CYP2J2: variants seen among roughly 807,000 people sequenced by gnomAD.
CYP2J2 encodes the protein cytochrome P450 2J2.
In CYP2J2, 41 loss-of-function variants were observed where a neutral mutation model predicts 48.8. The ratio of observed to expected loss-of-function variants is 0.84; its 90% CI spans 0.66 to 1.09. The LOEUF (loss-of-function observed/expected upper bound fraction) is 1.09, where lower values mean the gene tolerates loss of function less well. Among genes scored for constraint, CYP2J2 ranks in the 50% least tolerant of loss-of-function variants. The pLI, the probability that CYP2J2 is intolerant of heterozygous loss-of-function variation, is 0.00. For missense variants in CYP2J2, 644 were observed against 617.3 expected (o/e 1.04, Z -0.46); for synonymous variants, 221 against 227.1 (o/e 0.97, Z 0.24).
chr1:59,902,530 C>T (rs1306743114), intron 7 of CYP2J2, among the ~76,000 whole-genome samples: 1 of 152,160 alleles, frequency 6.6e-6, no homozygotes, highest in Admixed American at 6.5e-5. Context: ...ATTCTCCTGC[C>T]TCAGCCTCCC....
At chr1:59,905,122 A>G in intron 6 of CYP2J2, 64 bp from the exon 7 acceptor site, 1 of 1,492,252 alleles carries the variant, frequency 6.7e-7, no homozygotes, top group Non-Finnish European at 9.1e-7. Flanking sequence ...AAGAGGTATG[A>G]GTGGTCTCCA....
chr1:59,944,678 C>T, the CYP2J2 span, among the ~76,000 whole-genome samples: 1 of 152,078 alleles, frequency 6.6e-6, no homozygotes, highest in African/African-American at 2.4e-5. Context: ...TCCTTGCTTG[C>T]CAATTCAGAG....
At chr1:59,896,485 A>T (rs1220089333) in intron 8 of CYP2J2, among the ~76,000 whole-genome samples, 1 of 151,580 alleles carries the variant, frequency 6.6e-6, no homozygotes, top group Non-Finnish European at 1.5e-5. Flanking sequence ...TTTATTTGCA[A>T]CTTCCTCTCA....
Position 59,893,651 on chromosome 1 carries a change from T to C in CYP2J2, c.1509A>G (p.Ter503=). ...SHRLCAVPQV[*] ...CTTGCCCCTTTCTTTCTTAACAATA[T>C]TACACCTGAGGAACAGCGCAGAGGC... The change falls in exon 9 of 9, where the codon TAA becomes TAG. Residue 503 remains the stop codon, a stop_retained_variant. Transcript: ENST00000371204. 1.3e-6 allele frequency: 2 copies of C among 1,598,550 alleles called. No individual in the cohort carries two copies. Among genetic ancestry groups the C allele is most frequent in the Non-Finnish European group, 8.5e-7 (1 of 1,173,378 alleles).
intron 8 of CYP2J2, among the ~76,000 whole-genome samples, chr1:59,897,169 C>G (rs1644276891): frequency 6.6e-6 from 1 of 152,144 alleles, no homozygotes; most frequent in African/African-American, 2.4e-5. Flanking sequence ...ATCTCTTTAT[C>G]CATCACAAAT....
At chr1:59,920,101 T>A (rs747322014) in intron 1 of CYP2J2, among the ~76,000 whole-genome samples, 2 of 151,790 alleles carry the variant, frequency 1.3e-5, no homozygotes, top group Admixed American at 6.6e-5. Flanking sequence ...ACCACAGATA[T>A]AAGAAAAATA....
At chr1:59,947,468 C>T in the CYP2J2 span, among the ~76,000 whole-genome samples, 46 of 152,244 alleles carry the variant, frequency 3.0e-4, 1 homozygote, top group South Asian at 9.3e-3. Flanking sequence ...CTGACGTTCT[C>T]AGCTGAGCCA....
chr1:59,968,740 A>G, the CYP2J2 span, among the ~76,000 whole-genome samples: 1 of 152,226 alleles, frequency 6.6e-6, no homozygotes, highest in African/African-American at 2.4e-5. Flanking sequence ...TGAGACAGCA[A>G]TTCTGTGCCA....
At chr1:59,963,011 A>C in the CYP2J2 span, among the ~76,000 whole-genome samples, 2 of 152,196 alleles carry the variant, frequency 1.3e-5, no homozygotes, top group Non-Finnish European at 2.9e-5. Context: ...TAAAAGTATT[A>C]TGTATTATAA....
the CYP2J2 span, among the ~76,000 whole-genome samples, chr1:59,967,531 G>GCA: frequency 1.3e-5 from 2 of 152,214 alleles, no homozygotes; most frequent in Non-Finnish European, 2.9e-5. Flanking sequence ...CTGCTTGCCT[G>GCA]CACCTGCCTT....
chr1:59,908,354 A>G (rs1644382837), intron 5 of CYP2J2, among the ~76,000 whole-genome samples: 1 of 152,242 alleles, frequency 6.6e-6, no homozygotes, highest in African/African-American at 2.4e-5. Context: ...TTAAGAGGGC[A>G]TTATGAATTA....
the CYP2J2 span, among the ~76,000 whole-genome samples, chr1:59,947,326 T>C: frequency 1.3e-5 from 2 of 152,210 alleles, no homozygotes; most frequent in Non-Finnish European, 2.9e-5. Context: ...GTATTTGACC[T>C]GGAGAATCCC....
At chr1:59,900,047 AAG>A (rs766442658) in intron 8 of CYP2J2, among the ~76,000 whole-genome samples, 19 of 152,232 alleles carry the variant, frequency 1.2e-4, no homozygotes, top group African/African-American at 2.2e-4. Flanking sequence ...AAGAGAAAAA[AAG>A]AGAGTTTTCA....
At chr1:59,905,972 G>T (rs946083679) in intron 6 of CYP2J2, among the ~76,000 whole-genome samples, 1 of 152,148 alleles carries the variant, frequency 6.6e-6, no homozygotes, top group Non-Finnish European at 1.5e-5. Flanking sequence ...GGATCACGAG[G>T]TCAGGAGATC....
chr1:59,917,802 T>C (rs1644480192), intron 1 of CYP2J2, among the ~76,000 whole-genome samples: 1 of 152,230 alleles, frequency 6.6e-6, no homozygotes. Context: ...CTGCCTGGGT[T>C]GTGTCTAGCT....
chr1:59,897,621 G>A (rs965925081), intron 8 of CYP2J2, among the ~76,000 whole-genome samples: 1 of 152,140 alleles, frequency 6.6e-6, no homozygotes, highest in African/African-American at 2.4e-5. Context: ...TACAATTTTG[G>A]CAAAGTTCTT....
the CYP2J2 span, among the ~76,000 whole-genome samples, chr1:59,948,704 C>T: frequency 7.2e-5 from 11 of 152,224 alleles, no homozygotes; most frequent in Admixed American, 5.9e-4. Flanking sequence ...TTTTGAAAAC[C>T]TCAGTTAAAC....
chr1:59,948,956 A>T, the CYP2J2 span, among the ~76,000 whole-genome samples: 1 of 152,122 alleles, frequency 6.6e-6, no homozygotes, highest in African/African-American at 2.4e-5. Context: ...GCTTGAGCCT[A>T]GCAGTTAGAG....
the CYP2J2 span, among the ~76,000 whole-genome samples, chr1:59,957,458 T>C: frequency 2.0e-5 from 3 of 152,050 alleles, no homozygotes; most frequent in East Asian, 5.8e-4. Context: ...GCTCTGTGGA[T>C]AAACTGAAGC....
Sources: gnomAD v4.1 joint callset for allele counts (sites outside exome capture counted in the v4.1 genomes callset) on GRCh38, gnomAD v4.1.1 for gene constraint, MANE v1.5 for transcripts, NCBI Gene and HGNC (gene_info 2026-07-23, HGNC 2026-07-21) for gene names.